CFAP53: variants seen among roughly 807,000 people sequenced by gnomAD.
CFAP53 encodes cilia and flagella associated protein 53.
A neutral mutation model predicts 59.7 loss-of-function variants in CFAP53; 62 were observed. The ratio of observed to expected loss-of-function variants is 1.04; its 90% CI spans 0.85 to 1.28. The LOEUF is 1.28. Among genes scored for constraint, CFAP53 ranks in the 50% most tolerant of loss-of-function variants. The probability of loss-of-function intolerance (pLI) is 0.00; values close to 1 mark genes in which losing one functional copy is unlikely to be tolerated. For synonymous variants in CFAP53, 218 were observed against 205.7 expected, an observed-to-expected ratio of 1.06 and a Z score of -0.51; for missense variants, 629 against 615.6, an observed-to-expected ratio of 1.02 and a Z score of -0.23.
chr18:50,266,469 G>T lies in CFAP53; in HGVS notation c.-65C>A. The T allele has an allele frequency of 6.6e-7, 1 of 1,519,738 alleles. No individual in the cohort carries two copies. Among genetic ancestry groups the T allele is most frequent in the Non-Finnish European group, 9.1e-7 (1 of 1,094,366 alleles). The allele number at this position is 1,519,738 out of a possible 1,614,324, so 94.1% of individuals were successfully genotyped here. On this transcript the variant is annotated 5_prime_UTR_variant, in exon 1 of 8. Coordinates refer to ENST00000398545, the MANE Select transcript of CFAP53 (RefSeq NM_145020.5). ...TTTCCCCCAACCGTGGCGACCTGCG[G>T]GACCCGCTTCCGCGACGCAGAAGTC...
intron 7 of CFAP53, among the ~76,000 whole-genome samples, chr18:50,236,535 A>G (rs564034223): frequency 1.9e-4 from 29 of 152,274 alleles, no homozygotes; most frequent in African/African-American, 5.8e-4. Flanking sequence ...GCTTCTTCCT[A>G]GCTCTTGGAA....
Position 50,266,466 on chromosome 18 carries a change from G to A in CFAP53, c.-62C>T. The stretch of plus-strand genomic sequence containing the variant: ...GCGTTTCCCCCAACCGTGGCGACCT[G>A]CGGGACCCGCTTCCGCGACGCAGAA... On this transcript the variant is annotated 5_prime_UTR_variant, in exon 1 of 8. Coordinates refer to ENST00000398545, the MANE Select transcript of CFAP53 (RefSeq NM_145020.5). The A allele has an allele frequency of 6.6e-7, 1 of 1,525,328 alleles. No individual in the cohort carries two copies. The highest frequency in any genetic ancestry group is 1.1e-5 in the South Asian group (1 of 89,314). The allele number at this position is 1,525,328 out of a possible 1,614,324, so 94.5% of individuals were successfully genotyped here. A position where few individuals can be genotyped will look rare whatever the true frequency, so the allele number is the denominator to read the frequency against.
rs67836600 is a variant in CFAP53, at chr18:50,237,351, T to TATATATATACAC, written c.1316+1251_1316+1252insGTGTATATATAT. ...AAAAATATATATATATATATATATA[T>TATATATATACAC]ACGCACACATATATATACACACACA... On this transcript the variant is annotated intron_variant, in intron 7 of 7. Transcript: ENST00000398545. Among the ~76,000 whole-genome samples, 8 of 16,312 alleles carry TATATATATACAC rather than the reference T, an allele frequency of 4.9e-4. 1 individual carries two copies. Among genetic ancestry groups the TATATATATACAC allele is most frequent in the Non-Finnish European group, 9.4e-4 (8 of 8,486 alleles). The allele number at this position is 16,312 out of a possible 152,430, so 10.7% of individuals were successfully genotyped here. A position where few individuals can be genotyped will look rare whatever the true frequency, so the allele number is the denominator to read the frequency against.
rs770150032 is a variant in CFAP53, at chr18:50,250,936, T to A, written c.818A>T (p.Asp273Val). The A allele has an allele frequency of 6.2e-7, 1 of 1,614,224 alleles. No individual in the cohort carries two copies. The change falls in exon 5 of 8, where the codon GAT becomes GTT. Residue 273 changes from aspartate (D) to valine (V), a missense_variant. By Grantham distance (152) the Asp-to-Val change is radical. Transcript: ENST00000398545. ...CTTTGCCTTCTGTTTCTTTAGCATA[T>A]CCTGTTCATTCTCATGTTTAATCTG... ...NAQIKHENEQDMLKKQKAKQE... is the reference protein window; with the variant it reads ...NAQIKHENEQVMLKKQKAKQE...
rs1274923580 is a variant in CFAP53, at chr18:50,238,627, C to G, written c.1292G>C (p.Cys431Ser). The change falls in exon 7 of 8, where the codon TGT becomes TCT. Residue 431 changes from cysteine (C) to serine (S), a missense_variant. Physicochemically the swap from Cys to Ser is moderately radical, Grantham distance 112. Transcript: ENST00000398545. ...CCTTGCAAAATTCTCCTTCTCTTCA[C>G]AGTTAAGTTCTTTAAGACTTTCATT... is the stretch of plus-strand genomic sequence containing the variant. Reference protein sequence around the residue: ...HINESLKELNCEEKENFARRQ... With the variant: ...HINESLKELNSEEKENFARRQ... 1.2e-6 allele frequency: 2 copies of G among 1,608,762 alleles called. No homozygotes were observed. Among genetic ancestry groups the G allele is most frequent in the African/African-American group, 1.3e-5 (1 of 74,758 alleles).
chr18:50,262,696 C>T (rs528951262), intron 1 of CFAP53, among the ~76,000 whole-genome samples: 3 of 151,690 alleles, frequency 2.0e-5, no homozygotes, highest in Admixed American at 1.3e-4. Flanking sequence ...TGCTACTATG[C>T]GAATATATAG....
rs376273969 is a variant in CFAP53 at position 50,252,409 on chromosome 18, C to CT, written c.474-626dup. ...GTGAGCCACCGTACCCAGCTGCTCA[C>CT]TTTTTTTTTTAAGAGACAAGGTCTC... On this transcript the variant is annotated intron_variant, in intron 3 of 7. Transcript: ENST00000398545. Among the ~76,000 whole-genome samples the CT allele has an allele frequency of 5.4e-5, 8 of 148,390 alleles. No homozygotes were observed. The East Asian group carries it at 5.9e-4, about 11-fold the overall frequency.
chr18:50,261,122 CTT>C lies in CFAP53; in HGVS notation c.413_414del (p.Lys138ArgfsTer4), dbSNP rs1249217192. 3.8e-6 allele frequency: 6 copies of C among 1,598,218 alleles called. No individual in the cohort carries two copies. Among genetic ancestry groups the C allele is most frequent in the Non-Finnish European group, 5.1e-6 (6 of 1,175,906 alleles). ...TCCTGCCTCTCTTTTTCATTCTTCT[CTT>C]TTAGTAATTTAGTTTTCTCTCTCAT... ...DRMREKTKLL[K>X]EKNEKERQDF... is the part of the protein sequence containing the mutation. On this transcript the variant is annotated frameshift_variant, in exon 3 of 8. Transcript: ENST00000398545. LOFTEE classifies it high-confidence loss of function.
chr18:50,266,143 A>AT (rs1300725372), intron 1 of CFAP53, among the ~76,000 whole-genome samples, 193 bp downstream of exon 1: 1 of 152,216 alleles, frequency 6.6e-6, no homozygotes, highest in Non-Finnish European at 1.5e-5. Context: ...ACAGAGGGAG[A>AT]TGAGTGGGTG....
At chr18:50,229,533 G>A (rs1299077213) in intron 7 of CFAP53, among the ~76,000 whole-genome samples, 1 of 152,014 alleles carries the variant, frequency 6.6e-6, no homozygotes, top group African/African-American at 2.4e-5. Flanking sequence ...TGTGAATAGT[G>A]CTATGAATAT....
intron 7 of CFAP53, among the ~76,000 whole-genome samples, chr18:50,235,094 C>G (rs753222464): frequency 7.9e-5 from 12 of 152,104 alleles, no homozygotes. Flanking sequence ...AAACTTGTTG[C>G]TCTTACATCA....
chr18:50,265,592 C>T (rs776742793), intron 1 of CFAP53, among the ~76,000 whole-genome samples: 5 of 152,204 alleles, frequency 3.3e-5, no homozygotes, highest in African/African-American at 1.2e-4. Context: ...CACAATACTG[C>T]GCACACAGCA....
At chr18:50,245,062 CAAAA>C (rs11358725) in intron 5 of CFAP53, among the ~76,000 whole-genome samples, 15 of 81,688 alleles carry the variant, frequency 1.8e-4, no homozygotes, top group Admixed American at 2.6e-4. Context: ...GACTCTATCT[CAAAA>C]AAAAAAAAAA....
At chr18:50,228,573 C>T (rs574969125) in intron 7 of CFAP53, among the ~76,000 whole-genome samples, 7 of 151,734 alleles carry the variant, frequency 4.6e-5, no homozygotes, top group African/African-American at 1.4e-4. Flanking sequence ...GGTGGATCAC[C>T]TGAGGTCAGG....
Position 50,227,327 on chromosome 18 carries a change from A to T in CFAP53, c.*54T>A. The T allele has an allele frequency of 7.2e-7, 1 of 1,386,566 alleles. No homozygotes were observed. The highest frequency in any genetic ancestry group is 1.2e-5 in the South Asian group (1 of 83,502). The allele number at this position is 1,386,566 out of a possible 1,614,324, so 85.9% of individuals were successfully genotyped here. ...GGAGTTAAAAGAAGCATACAAGCAT[A>T]CTGTAGTTAAAAATATTAAAAGACC... is the stretch of plus-strand genomic sequence containing the variant. On this transcript the variant is annotated 3_prime_UTR_variant, in exon 8 of 8. Coordinates refer to ENST00000398545, the MANE Select transcript of CFAP53 (RefSeq NM_145020.5).
Sources: allele counts gnomAD v4.1 joint callset (sites outside exome capture counted in the v4.1 genomes callset), GRCh38; gene constraint gnomAD v4.1.1; transcripts MANE v1.5; gene names NCBI Gene and HGNC (gene_info 2026-07-23, HGNC 2026-07-21).